Variants in PTPRJ observed in about 807,000 individuals in gnomAD.
PTPRJ encodes receptor-type tyrosine-protein phosphatase eta.
PTPRJ carries 129 observed loss-of-function variants against 141.3 expected under a neutral mutation model. The ratio of observed to expected loss-of-function variants is 0.91; its 90% confidence interval spans 0.79 to 1.06. The LOEUF (loss-of-function observed/expected upper bound fraction) is 1.06. Among genes scored for constraint, PTPRJ ranks in the 50% least tolerant of loss-of-function variants. The probability of loss-of-function intolerance (pLI) is 0.00; values close to 1 mark genes in which losing one functional copy is unlikely to be tolerated. For missense variants in PTPRJ, 1,601 were observed against 1,679.7 expected, an observed-to-expected ratio of 0.95 and a Z score of 0.82; for synonymous variants, 610 against 640.5, an observed-to-expected ratio of 0.95 and a Z score of 0.72.
At chr11:48,037,634 A>C (rs1361954329) in intron 1 of PTPRJ, among the ~76,000 whole-genome samples, 1 of 152,140 alleles carries the variant, frequency 6.6e-6, no homozygotes, top group African/African-American at 2.4e-5. Context: ...CAACATGGTG[A>C]AACCTCATCT....
At chr11:48,151,446 C>T (rs563124513) in intron 18 of PTPRJ, among the ~76,000 whole-genome samples, 1 of 150,526 alleles carries the variant, frequency 6.6e-6, no homozygotes, top group South Asian at 2.1e-4. Context: ...AATTTGTTTA[C>T]ATTTGTAAAG....
At position 48,118,305 on chromosome 11, in the gene PTPRJ, G is replaced by A. The variant is rs976853540; in HGVS notation, c.353-2698G>A. Among the ~76,000 whole-genome samples, 20 of 152,250 alleles carry A rather than the reference G, an allele frequency of 1.3e-4. No homozygotes were observed. The East Asian group carries it at 3.5e-3, about 26-fold the overall frequency. ...TCACTGTGTTGCCCAGGCTGCTCTT[G>A]AACTCCCAGCCTCAAGTGACCCCCA... On this transcript the variant is annotated intron_variant, in intron 3 of 24. Coordinates refer to ENST00000418331, the MANE Select transcript of PTPRJ (RefSeq NM_002843.4).
chr11:48,048,112 C>T (rs775732574), intron 1 of PTPRJ, among the ~76,000 whole-genome samples: 11 of 152,248 alleles, frequency 7.2e-5, no homozygotes, highest in African/African-American at 9.6e-5. Context: ...GCTGCTGTTT[C>T]GAATCCTTTT....
chr11:48,152,227 T>C (rs1857501750), intron 18 of PTPRJ, among the ~76,000 whole-genome samples: 1 of 152,218 alleles, frequency 6.6e-6, no homozygotes, highest in South Asian at 2.1e-4. Flanking sequence ...ATGTGTCTTT[T>C]GGCTGCATAA....
intron 1 of PTPRJ, among the ~76,000 whole-genome samples, chr11:47,985,699 T>C (rs578194800): frequency 2.0e-5 from 3 of 151,112 alleles, no homozygotes; most frequent in Non-Finnish European, 2.9e-5. Context: ...TTTATTTATT[T>C]ATTTATTTAT....
chr11:48,146,399 A>G (rs1227820834), intron 14 of PTPRJ, among the ~76,000 whole-genome samples: 1 of 152,190 alleles, frequency 6.6e-6, no homozygotes, highest in Non-Finnish European at 1.5e-5. Flanking sequence ...TGTTGGGCGC[A>G]GGAAAGAATG....
chr11:48,053,381 T>A (rs7113511), intron 1 of PTPRJ, among the ~76,000 whole-genome samples: 5,426 of 100,398 alleles, frequency 0.054, 467 homozygotes, highest in African/African-American at 0.2. Context: ...ATATATAAAA[T>A]ATATATAAAA....
chr11:48,155,067 G>A (rs1010921030), intron 19 of PTPRJ, among the ~76,000 whole-genome samples: 1 of 152,160 alleles, frequency 6.6e-6, no homozygotes, highest in African/African-American at 2.4e-5. Flanking sequence ...GACACTTGCA[G>A]TTCTAAGGTT....
At chr11:48,142,849 T>C (rs750487535) in intron 11 of PTPRJ, 70 bp from the exon 12 acceptor site, 68 of 1,512,908 alleles carry the variant, frequency 4.5e-5, no homozygotes, top group Admixed American at 1.2e-4. Flanking sequence ...TGCTGAAGCA[T>C]GTTCTCTACC....
chr11:48,015,382 A>T (rs1590405327), intron 1 of PTPRJ, among the ~76,000 whole-genome samples: 2 of 151,998 alleles, frequency 1.3e-5, no homozygotes, highest in South Asian at 4.2e-4. Context: ...ACACTTCTGC[A>T]GGATGGGACC....
At position 48,139,690 on chromosome 11, in the gene PTPRJ, C is replaced by A; in HGVS notation, c.2357C>A (p.Ser786Tyr). Residue 786 changes from serine to tyrosine, a missense_variant, in exon 11 of 25, where the codon TCT becomes TAT. By Grantham distance (144) the Ser-to-Tyr change is moderately radical. Coordinates refer to ENST00000418331, the MANE Select transcript of PTPRJ (RefSeq NM_002843.4). ...YRTEVTYLNF[S>Y]TSYNISITTV... Reference sequence around the variant, plus strand: ...ACGGAAGTCACGTATTTGAATTTTTCTACCTCGTACAACATCAGCATCACC... The same window carrying A: ...ACGGAAGTCACGTATTTGAATTTTTATACCTCGTACAACATCAGCATCACC... 1 of 1,614,164 alleles carries A rather than the reference C, an allele frequency of 6.2e-7. No individual in the cohort carries two copies. Among genetic ancestry groups the A allele is most frequent in the Non-Finnish European group, 8.5e-7 (1 of 1,180,036 alleles).
intron 1 of PTPRJ, among the ~76,000 whole-genome samples, chr11:48,038,485 A>G (rs1854184098): frequency 1.3e-5 from 2 of 151,762 alleles, no homozygotes; most frequent in South Asian, 4.1e-4. Context: ...AGCTCTGCCT[A>G]TGGAGTAGCC....
At chr11:48,047,361 T>C (rs946002403) in intron 1 of PTPRJ, among the ~76,000 whole-genome samples, 2 of 152,222 alleles carry the variant, frequency 1.3e-5, no homozygotes, top group African/African-American at 4.8e-5. Flanking sequence ...TAATTTGGAC[T>C]GAGGAGTGTG....
intron 12 of PTPRJ, among the ~76,000 whole-genome samples, chr11:48,143,900 T>A (rs1857293051): frequency 6.7e-6 from 1 of 149,708 alleles, no homozygotes; most frequent in Middle Eastern, 3.2e-3. Context: ...TTTCTTTCTT[T>A]TAGAGACAAG....
intron 1 of PTPRJ, among the ~76,000 whole-genome samples, chr11:48,086,589 C>T (rs947343721): frequency 6.6e-6 from 1 of 152,196 alleles, no homozygotes; most frequent in Non-Finnish European, 1.5e-5. Flanking sequence ...CAACCTGTAG[C>T]CTGAAGCTTT....
intron 1 of PTPRJ, among the ~76,000 whole-genome samples, chr11:48,051,354 C>T (rs899781762): frequency 6.6e-6 from 1 of 152,076 alleles, no homozygotes; most frequent in Non-Finnish European, 1.5e-5. Context: ...CTCGGCCTGC[C>T]GAAGTGCTGG....
At chr11:48,074,765 A>G (rs560568728) in intron 1 of PTPRJ, among the ~76,000 whole-genome samples, 1 of 152,316 alleles carries the variant, frequency 6.6e-6, no homozygotes, top group South Asian at 2.1e-4. Context: ...AACGTTGTCT[A>G]AAGTGCAGTG....
intron 1 of PTPRJ, among the ~76,000 whole-genome samples, chr11:48,055,831 G>T (rs1854738531): frequency 6.6e-6 from 1 of 152,218 alleles, no homozygotes; most frequent in Non-Finnish European, 1.5e-5. Context: ...CTCTGCGAGT[G>T]CTGGGAGCAA....
chr11:48,003,572 T>A (rs542418974), intron 1 of PTPRJ, among the ~76,000 whole-genome samples: 5 of 152,248 alleles, frequency 3.3e-5, no homozygotes, highest in Non-Finnish European at 7.3e-5. Flanking sequence ...CTTGGTTCAC[T>A]GCAACGTCCG....
Sources: allele counts gnomAD v4.1 joint callset (sites outside exome capture counted in the v4.1 genomes callset), GRCh38; gene constraint gnomAD v4.1.1; transcripts MANE v1.5; gene names NCBI Gene and HGNC (gene_info 2026-07-23, HGNC 2026-07-21).